Variants in NAV3 observed in about 807,000 individuals in gnomAD.
NAV3 encodes neuron navigator 3.
A neutral mutation model predicts 244.7 loss-of-function variants in NAV3; 87 were observed. The ratio of observed to expected loss-of-function variants is 0.36; its 90% CI spans 0.30 to 0.42. NAV3 has a LOEUF of 0.42. Among genes scored for constraint, NAV3 ranks in the 20% least tolerant of loss-of-function variants. The pLI, the probability that NAV3 is intolerant of heterozygous loss-of-function variation, is 1.00. For synonymous variants in NAV3, 1,126 were observed against 1,042.2 expected, an observed-to-expected ratio of 1.08 and a Z score of -1.55; for missense variants, 2,663 against 2,893.3, an observed-to-expected ratio of 0.92 and a Z score of 1.83.
chr12:78,121,453 C>A (rs1479229550), intron 15 of NAV3, among the ~76,000 whole-genome samples: 2 of 152,056 alleles, frequency 1.3e-5, no homozygotes, highest in Non-Finnish European at 2.9e-5. Context: ...ATACTCAACA[C>A]AACTCCCTAA....
In NAV3 at chr12:78,177,232, C is replaced by G. The variant is rs1326321115; in HGVS notation, c.5216C>G (p.Ser1739Cys). The change falls in exon 27 of 40, where the codon TCC becomes TGC. Residue 1739 changes from serine (S) to cysteine (C), a missense_variant. Coordinates refer to ENST00000397909, the MANE Select transcript of NAV3 (RefSeq NM_001024383.2). The part of the protein sequence containing the change: ...HSDIEELTDS[S>C]LPASPKLPHN... ...GACATTGAAGAGCTTACTGATTCAT[C>G]CCTTCCGGCATCCCCCAAGTTACCC... 1 of 1,613,594 alleles carries G rather than the reference C, an allele frequency of 6.2e-7. No individual in the cohort carries two copies. The highest frequency in any genetic ancestry group is 2.2e-5 in the East Asian group (1 of 44,814).
chr12:78,023,472 C>T (rs1459072904), intron 9 of NAV3, among the ~76,000 whole-genome samples: 2 of 152,008 alleles, frequency 1.3e-5, no homozygotes, highest in Non-Finnish European at 2.9e-5. Context: ...CAGCAATAAT[C>T]AATTATTTAC....
intron 18 of NAV3, among the ~76,000 whole-genome samples, chr12:78,130,018 T>A (rs1354081352): frequency 6.6e-6 from 1 of 152,188 alleles, no homozygotes; most frequent in African/African-American, 2.4e-5. Flanking sequence ...AAACATAATT[T>A]CAAATAACAG....
intron 9 of NAV3, among the ~76,000 whole-genome samples, chr12:78,030,109 A>G (rs1381479036): frequency 1.3e-5 from 2 of 152,222 alleles, no homozygotes; most frequent in Non-Finnish European, 2.9e-5. Flanking sequence ...CATTATGTAT[A>G]GGCAAATATT....
At chr12:77,666,986 T>A (rs1350200879) in intron 2 of NAV3, among the ~76,000 whole-genome samples, 2 of 152,246 alleles carry the variant, frequency 1.3e-5, no homozygotes, top group African/African-American at 4.8e-5. Flanking sequence ...AAATGGAGTG[T>A]GTGTATGTGT....
intron 34 of NAV3, among the ~76,000 whole-genome samples, chr12:78,192,442 G>T (rs902358363): frequency 6.7e-6 from 1 of 149,880 alleles, no homozygotes; most frequent in Non-Finnish European, 1.5e-5. Flanking sequence ...GTCTTGCTCT[G>T]TTGCCCAAGC....
intron 22 of NAV3, among the ~76,000 whole-genome samples, chr12:78,150,979 A>G (rs1957060968): frequency 6.6e-6 from 1 of 152,058 alleles, no homozygotes; most frequent in African/African-American, 2.4e-5. Flanking sequence ...CATCCAGCAT[A>G]TCTGTGGCTT....
intron 2 of NAV3, among the ~76,000 whole-genome samples, chr12:77,717,844 C>T (rs1876430094): frequency 6.6e-6 from 1 of 152,090 alleles, no homozygotes; most frequent in African/African-American, 2.4e-5. Context: ...TCCTTGATTT[C>T]TAGCGATGTT....
intron 2 of NAV3, among the ~76,000 whole-genome samples, chr12:77,664,095 C>T (rs942490939): frequency 6.6e-6 from 1 of 152,196 alleles, no homozygotes; most frequent in African/African-American, 2.4e-5. Context: ...GTAAACATGA[C>T]ATTAACCAAA....
chr12:77,687,999 A>G (rs1177922640), intron 2 of NAV3, among the ~76,000 whole-genome samples: 1 of 152,134 alleles, frequency 6.6e-6, no homozygotes, highest in Admixed American at 6.6e-5. Flanking sequence ...TAAAGACATT[A>G]TATCACACTT....
intron 5 of NAV3, among the ~76,000 whole-genome samples, chr12:77,973,079 A>AT (rs1391661897): frequency 1.3e-5 from 2 of 152,096 alleles, no homozygotes; most frequent in Non-Finnish European, 2.9e-5. Flanking sequence ...TAAAAGATAC[A>AT]TTTTTTTATT....
intron 1 of NAV3, among the ~76,000 whole-genome samples, chr12:77,843,433 CT>C (rs1333862029): frequency 6.7e-6 from 1 of 150,336 alleles, no homozygotes; most frequent in East Asian, 1.9e-4. Flanking sequence ...GTGTGTGTAT[CT>C]TATAGGCATT....
chr12:78,041,986 C>T (rs983531495), intron 9 of NAV3, among the ~76,000 whole-genome samples: 27 of 152,110 alleles, frequency 1.8e-4, no homozygotes, highest in Admixed American at 1.0e-3. Flanking sequence ...CCTTCCCAGC[C>T]GTCCCATCTA....
In NAV3 at chr12:77,787,886, A is replaced by T. The variant is rs1870981293; in HGVS notation, c.73-152433A>T. ...AATTATTCACAGACTTATGACAATTATTAGGTCTAGATTTAAATGGCAGCA... is the reference window on the plus strand; with the variant it reads ...AATTATTCACAGACTTATGACAATTTTTAGGTCTAGATTTAAATGGCAGCA... On this transcript the variant is annotated intron_variant, in intron 2 of 8. Transcript: ENST00000550042. 2.6e-5 allele frequency among the ~76,000 whole-genome samples: 4 copies of T among 152,252 alleles called. No homozygotes were observed. In the South Asian group the frequency reaches 8.3e-4, roughly 32 times the overall value.
chr12:77,850,776 AG>A (rs1480266500), intron 1 of NAV3, among the ~76,000 whole-genome samples: 1 of 150,394 alleles, frequency 6.6e-6, no homozygotes, highest in Non-Finnish European at 1.5e-5. Context: ...TGGCAGATGA[AG>A]GGAGAAAAAA....
At chr12:77,952,271 TC>T (rs925561622) in intron 3 of NAV3, among the ~76,000 whole-genome samples, 1 of 152,130 alleles carries the variant, frequency 6.6e-6, no homozygotes, top group African/African-American at 2.4e-5. Flanking sequence ...ATACATCATG[TC>T]TTTAGTGTTG....
At chr12:77,885,199 T>A (rs1430491440) in intron 1 of NAV3, among the ~76,000 whole-genome samples, 1 of 152,134 alleles carries the variant, frequency 6.6e-6, no homozygotes, top group African/African-American at 2.4e-5. Flanking sequence ...TTTTAGGAGT[T>A]AATAAGTATT....
intron 14 of NAV3, among the ~76,000 whole-genome samples, chr12:78,118,605 G>GT (rs1224689505): frequency 6.6e-6 from 1 of 152,102 alleles, no homozygotes; most frequent in African/African-American, 2.4e-5. Flanking sequence ...CAACAGTTAA[G>GT]TTTTTTTGTT....
intron 2 of NAV3, among the ~76,000 whole-genome samples, chr12:77,710,135 C>T (rs776220438): frequency 3.3e-5 from 5 of 152,094 alleles, no homozygotes; most frequent in Non-Finnish European, 5.9e-5. Flanking sequence ...CTTATTAGGG[C>T]GTGCACTTTT....
Sources: allele counts gnomAD v4.1 joint callset (sites outside exome capture counted in the v4.1 genomes callset), GRCh38; gene constraint gnomAD v4.1.1; transcripts MANE v1.5; gene names NCBI Gene and HGNC (gene_info 2026-07-23, HGNC 2026-07-21).